The following SNX29 variants were observed in gnomAD, a reference collection of about 807,000 sequenced individuals.
The protein encoded by SNX29 is sorting nexin 29.
A neutral mutation model predicts 102.1 loss-of-function variants in SNX29; 78 were observed. That is an observed-to-expected ratio of 0.76 (90% CI 0.64 to 0.92). SNX29 has a LOEUF of 0.92. Among genes scored for constraint, SNX29 ranks in the 40% least tolerant of loss-of-function variants. The probability of loss-of-function intolerance (pLI) is 0.00; values close to 1 mark genes in which losing one functional copy is unlikely to be tolerated. For synonymous variants in SNX29, 580 were observed against 414.5 expected (o/e 1.40, Z -4.85); for missense variants, 1,280 against 1,061.7 (o/e 1.21, Z -2.86).
At chr16:12,559,731 A>T (rs2078606264) in intron 20 of SNX29, among the ~76,000 whole-genome samples, 1 of 152,100 alleles carries the variant, frequency 6.6e-6, no homozygotes, top group Non-Finnish European at 1.5e-5. Context: ...CAAGAAATAG[A>T]TGAAATAGTG....
At chr16:12,046,709 T>A (rs570243139) in intron 6 of SNX29, among the ~76,000 whole-genome samples, 103 of 152,340 alleles carry the variant, frequency 6.8e-4, no homozygotes, top group African/African-American at 2.3e-3. Flanking sequence ...AACCTCCGCC[T>A]CCTGGGTTCA....
At chr16:12,173,534 C>A (rs539020120) in intron 13 of SNX29, among the ~76,000 whole-genome samples, 1 of 152,324 alleles carries the variant, frequency 6.6e-6, no homozygotes, top group African/African-American at 2.4e-5. Context: ...GGTCTTGAAT[C>A]TGTATCTTTT....
chr16:12,512,495 C>G (rs2089676532), intron 19 of SNX29, among the ~76,000 whole-genome samples: 1 of 148,872 alleles, frequency 6.7e-6, no homozygotes. Context: ...CTCACTGCAG[C>G]CTTGACCTCC....
intron 1 of SNX29, among the ~76,000 whole-genome samples, chr16:11,982,026 G>A (rs902189761): frequency 6.7e-6 from 1 of 150,096 alleles, no homozygotes; most frequent in Admixed American, 6.6e-5. Flanking sequence ...GCAACATAAC[G>A]AGATCTCATC....
chr16:12,476,427 T>TATATATATAC (rs1567603514), intron 18 of SNX29, among the ~76,000 whole-genome samples: 3 of 85,446 alleles, frequency 3.5e-5, no homozygotes, highest in Non-Finnish European at 6.6e-5. Context: ...TATATATATA[T>TATATATATAC]ATATATATAT....
intron 13 of SNX29, among the ~76,000 whole-genome samples, chr16:12,133,281 G>C (rs1165534645): frequency 1.5e-5 from 1 of 66,866 alleles, no homozygotes; most frequent in Non-Finnish European, 2.7e-5. Context: ...CTTAGTGTGG[G>C]TTTTTTTTTT....
chr16:12,387,508 T>G (rs987150332), intron 16 of SNX29, among the ~76,000 whole-genome samples: 5 of 152,162 alleles, frequency 3.3e-5, no homozygotes, highest in Admixed American at 2.6e-4. Flanking sequence ...TGTTATCTTT[T>G]TAGTGCAGGG....
intron 14 of SNX29, among the ~76,000 whole-genome samples, chr16:12,221,441 C>T (rs550707654): frequency 9.2e-5 from 14 of 152,236 alleles, no homozygotes; most frequent in African/African-American, 3.4e-4. Context: ...ATGGTAAAAC[C>T]CCATCTCTAC....
At chr16:12,451,918 C>G (rs2086316921) in intron 18 of SNX29, among the ~76,000 whole-genome samples, 4 of 152,164 alleles carry the variant, frequency 2.6e-5, no homozygotes, top group Admixed American at 6.5e-5. Context: ...CCGGATACCT[C>G]CAGTTCTCTC....
At position 12,317,310 on chromosome 16, in the gene SNX29, C is replaced by A. The variant is rs375087914; in HGVS notation, c.1783-38853C>A. ...AGGCCCCAGATGCGCAGGACTCAGT[C>A]TGAACAGGTGGCTCCCCTCGTCTTC... On this transcript the variant is annotated intron_variant, in intron 15 of 20. Coordinates refer to ENST00000566228, the MANE Select transcript of SNX29 (RefSeq NM_032167.5). Among the ~76,000 whole-genome samples, 69 of 152,322 alleles carry A rather than the reference C, an allele frequency of 4.5e-4. 1 individual carries two copies. The Middle Eastern group carries it at 0.024, about 53-fold the overall frequency.
At chr16:12,470,420 C>G (rs1023355101) in intron 18 of SNX29, among the ~76,000 whole-genome samples, 1 of 152,206 alleles carries the variant, frequency 6.6e-6, no homozygotes, top group African/African-American at 2.4e-5. Context: ...GTATCTCCTA[C>G]GAGGTCCTCC....
chr16:12,570,597 G>A lies in SNX29; in HGVS notation c.*1968G>A, dbSNP rs1244777889. On this transcript the variant is annotated 3_prime_UTR_variant, in exon 21 of 21. Coordinates refer to ENST00000566228, the MANE Select transcript of SNX29 (RefSeq NM_032167.5). ...CCTCCCTGGCCTGGGTAGCTACCCT[G>A]GAGGTCATCTCCCTGTTCTCTGTTG... 7 of 232,068 alleles carry A rather than the reference G, an allele frequency of 3.0e-5. No individual in the cohort carries two copies. The highest frequency in any genetic ancestry group is 1.2e-4 in the East Asian group (2 of 16,440). 14.4% of individuals were successfully genotyped at this position (232,068 alleles called of 1,614,324 possible). A position where few individuals can be genotyped will look rare whatever the true frequency, so the allele number is the denominator to read the frequency against.
chr16:12,489,483 C>G (rs1035779273), intron 19 of SNX29, among the ~76,000 whole-genome samples: 5 of 152,130 alleles, frequency 3.3e-5, no homozygotes. Flanking sequence ...CAGATCCTGC[C>G]CCCTCCCACA....
chr16:12,204,625 T>C (rs1293900290), intron 14 of SNX29, among the ~76,000 whole-genome samples: 1 of 152,160 alleles, frequency 6.6e-6, no homozygotes, highest in Admixed American at 6.5e-5. Context: ...ATCAAAATAA[T>C]CAGCAGCAAG....
intron 19 of SNX29, among the ~76,000 whole-genome samples, chr16:12,514,752 C>T (rs1367795444): frequency 6.6e-6 from 1 of 152,086 alleles, no homozygotes; most frequent in African/African-American, 2.4e-5. Context: ...GTAATCCCTC[C>T]TACTCGGGAG....
At chr16:12,412,666 T>C (rs2084451054) in intron 18 of SNX29, among the ~76,000 whole-genome samples, 1 of 152,232 alleles carries the variant, frequency 6.6e-6, no homozygotes, top group African/African-American at 2.4e-5. Context: ...CGTGCATACG[T>C]GTGCATGTGT....
At chr16:11,987,782 A>G (rs2055689689) in intron 1 of SNX29, among the ~76,000 whole-genome samples, 1 of 152,254 alleles carries the variant, frequency 6.6e-6, no homozygotes, top group Non-Finnish European at 1.5e-5. Context: ...CCTGGAACAT[A>G]GAGGACCAGG....
At chr16:12,540,179 G>C (rs543469615) in intron 20 of SNX29, among the ~76,000 whole-genome samples, 1 of 152,218 alleles carries the variant, frequency 6.6e-6, no homozygotes, top group African/African-American at 2.4e-5. Context: ...ATTTTGAGTG[G>C]ACTTTTGTGT....
At chr16:12,527,426 T>TAATC in intron 20 of SNX29, 1 of 436,138 alleles carries the variant, frequency 2.3e-6, no homozygotes, top group South Asian at 2.1e-5. Flanking sequence ...TCTTATAAAT[T>TAATC]TTGACAGATT....
Sources: allele counts gnomAD v4.1 joint callset (sites outside exome capture counted in the v4.1 genomes callset), GRCh38; gene constraint gnomAD v4.1.1; transcripts MANE v1.5; gene names NCBI Gene and HGNC (gene_info 2026-07-23, HGNC 2026-07-21).